Variants in EXOC3L4 observed in about 807,000 individuals in gnomAD.
EXOC3L4 encodes exocyst complex component 3-like protein 4.
In EXOC3L4, 62 loss-of-function variants were observed where a neutral mutation model predicts 69.7. The ratio of observed to expected loss-of-function variants is 0.89; its 90% confidence interval spans 0.72 to 1.10. The LOEUF (loss-of-function observed/expected upper bound fraction) is 1.10. EXOC3L4 is among the 50% of genes least tolerant of loss of function. The pLI is 0.00. For missense variants in EXOC3L4, 1,087 were observed against 1,034.8 expected (o/e 1.05, Z -0.69); for synonymous variants, 502 against 464.2 (o/e 1.08, Z -1.05).
chr14:103,102,148 A>T lies in EXOC3L4; in HGVS notation c.425A>T (p.Glu142Val). ...AAATCCGTGGCCGACCTCATTACTG[A>T]ACGGCAACTGCTGGCGGCCTTCGAA... Reference protein sequence around the residue: ...EGKSVADLITERQLLAAFEQL... With the variant: ...EGKSVADLITVRQLLAAFEQL... Residue 142 changes from glutamate to valine, a missense_variant, in exon 3 of 12, where the codon GAA becomes GTA. Physicochemically the swap from Glu to Val is moderately radical, Grantham distance 121. Transcript: ENST00000688303. The T allele has an allele frequency of 6.2e-7, 1 of 1,606,310 alleles. No individual in the cohort carries two copies. Among genetic ancestry groups the T allele is most frequent in the South Asian group, 1.1e-5 (1 of 89,634 alleles).
chr14:103,108,322 C>T, intron 10 of EXOC3L4, 74 bp from the exon 11 acceptor site: 1 of 1,578,442 alleles, frequency 6.3e-7, no homozygotes, highest in Non-Finnish European at 8.6e-7. Flanking sequence ...CTCGCACTGA[C>T]CTCGCGCTCT....
chr14:103,102,109 C>T lies in EXOC3L4; in HGVS notation c.395-9C>T. 1 of 1,596,720 alleles carries T rather than the reference C, an allele frequency of 6.3e-7. No homozygotes were observed. Reference sequence around the variant, plus strand: ...TCCCTCTCACCGCCCTTCTCGCCCGCCTGTGCAGAAGGCAAATCCGTGGCC... The same window carrying T: ...TCCCTCTCACCGCCCTTCTCGCCCGTCTGTGCAGAAGGCAAATCCGTGGCC... On this transcript the variant is annotated splice_polypyrimidine_tract_variant and intron_variant, in intron 2 of 11. Transcript: ENST00000688303.
chr14:103,100,740 T>G (rs1890143276), intron 2 of EXOC3L4, 127 bp downstream of exon 2: 1 of 1,245,258 alleles, frequency 8.0e-7, no homozygotes, highest in Non-Finnish European at 1.1e-6. Flanking sequence ...CATGTGCAAT[T>G]CTTTATTTAT....
Position 103,102,372 on chromosome 14 carries a change from G to C in EXOC3L4, c.649G>C (p.Val217Leu). 6.4e-7 allele frequency: 1 copy of C among 1,561,386 alleles called. No homozygotes were observed. Among genetic ancestry groups the C allele is most frequent in the African/African-American group, 1.4e-5 (1 of 73,570 alleles). The change falls in exon 3 of 12, where the codon GTG becomes CTG. Residue 217 changes from valine to leucine, a missense_variant. Transcript: ENST00000688303. ...GGCCGCGCTGGCCGAGCTGGCCCGC[G>C]TGGTGAGCGCGGAGGAGGAAGCCCA... is the stretch of plus-strand genomic sequence containing the variant. ...DAAALAELAR[V>L]VSAEEEAHPS... is the part of the protein sequence containing the mutation.
Position 103,105,015 on chromosome 14 carries a change from C to A in EXOC3L4, c.1409C>A (p.Ser470Ter). ...AGGTTTGAAAAGGCTTTTCTGGCGTCGGAGGCGGTGAGCGAGCCGCACCTG... is the reference window on the plus strand; with the variant it reads ...AGGTTTGAAAAGGCTTTTCTGGCGTAGGAGGCGGTGAGCGAGCCGCACCTG... ...VPRFEKAFLASEAVSEPHLGA... is the reference protein window; with the variant it reads ...VPRFEKAFLA Residue 470 changes from serine to a stop codon, truncating the protein, a stop_gained, in exon 7 of 12, where the codon TCG becomes TAG. Transcript: ENST00000688303. LOFTEE classifies it high-confidence loss of function. The A allele has an allele frequency of 6.2e-7, 1 of 1,612,472 alleles. No individual in the cohort carries two copies. The highest frequency in any genetic ancestry group is 8.5e-7 in the Non-Finnish European group (1 of 1,178,868).
In EXOC3L4 at chr14:103,108,401, C is replaced by G. The variant is rs368664108; in HGVS notation, c.1860C>G (p.Ser620=). 33 of 1,613,282 alleles carry G rather than the reference C, an allele frequency of 2.0e-5. No homozygotes were observed. Among genetic ancestry groups the G allele is most frequent in the Non-Finnish European group, 2.7e-5 (32 of 1,179,606 alleles). The change falls in exon 11 of 12, where the codon TCC becomes TCG. Residue 620 remains serine, a synonymous_variant. Transcript: ENST00000688303. Reference sequence around the variant, plus strand: ...GCGGTGGCTCTGTCTCGCAGGGTTCCGAGGCCACATGGTTGGACCAAGCCA... The same window carrying G: ...GCGGTGGCTCTGTCTCGCAGGGTTCGGAGGCCACATGGTTGGACCAAGCCA... ...AISDTFQGLG[S]EATWLDQAIQ...
chr14:103,106,844 C>T lies in EXOC3L4; in HGVS notation c.1526C>T (p.Thr509Met), dbSNP rs373799053. The change falls in exon 8 of 12, where the codon ACG becomes ATG. Residue 509 changes from threonine to methionine, a missense_variant. Coordinates refer to ENST00000688303, the MANE Select transcript of EXOC3L4 (RefSeq NM_001077594.2). ...GAGGAGCTGGAGAAGCCCCTGGTGA[C>T]GGCCACCTGCAGCTTCCAGAAGCAC... ...TQEELEKPLVTATCSFQKHLL... is the reference protein window; with the variant it reads ...TQEELEKPLVMATCSFQKHLL... 8.5e-5 allele frequency: 136 copies of T among 1,595,250 alleles called. No homozygotes were observed. The highest frequency in any genetic ancestry group is 1.1e-4 in the African/African-American group (8 of 74,888).
chr14:103,104,268 C>A lies in EXOC3L4; in HGVS notation c.1163C>A (p.Ala388Asp). 6.3e-7 allele frequency: 1 copy of A among 1,587,926 alleles called. No homozygotes were observed. The highest frequency in any genetic ancestry group is 1.2e-5 in the South Asian group (1 of 86,936). The change falls in exon 5 of 12, where the codon GCC becomes GAC. Residue 388 changes from alanine (A) to aspartate (D), a missense_variant and splice_region_variant. By Grantham distance (126) the Ala-to-Asp change is moderately radical. Coordinates refer to ENST00000688303, the MANE Select transcript of EXOC3L4 (RefSeq NM_001077594.2). ...ACGGCCCATCCCTTCTCCCCCCAGG[C>A]CAAGATCGCAAGCTGCTTCGACAGC... ...LESDYTSFLE[A>D]KIASCFDSIL...
In EXOC3L4 at chr14:103,097,367, C is replaced by T. The variant is rs186860665; in HGVS notation, c.-17+2527C>T. 3.5e-4 allele frequency among the ~76,000 whole-genome samples: 53 copies of T among 152,160 alleles called. No homozygotes were observed. The East Asian group carries it at 7.8e-3, about 22-fold the overall frequency. ...AGGAGCCGGGGCCCCCTGGACTCTCCGGGCACTGGGGACAGAGAGACGCAG... is the reference window on the plus strand; with the variant it reads ...AGGAGCCGGGGCCCCCTGGACTCTCTGGGCACTGGGGACAGAGAGACGCAG... On this transcript the variant is annotated intron_variant, in intron 1 of 11. Transcript: ENST00000688303. This position sits in a 1 kb window ranked among gnomAD's most constrained non-coding sequence, Gnocchi z 4.9.
At chr14:103,107,855 C>G in intron 10 of EXOC3L4, 72 bp downstream of exon 10, 1 of 1,447,262 alleles carries the variant, frequency 6.9e-7, no homozygotes, top group Non-Finnish European at 9.1e-7. Flanking sequence ...AGGGCCTTAG[C>G]GCCGGGAGGG....
At position 103,104,006 on chromosome 14, in the gene EXOC3L4, C is replaced by A; in HGVS notation, c.1115C>A (p.Pro372Gln). 6.3e-7 allele frequency: 1 copy of A among 1,577,648 alleles called. No individual in the cohort carries two copies. Residue 372 changes from proline to glutamine, a missense_variant, in exon 4 of 12, where the codon CCG becomes CAG. Transcript: ENST00000688303. ...GAGCCGCTGCCTCCGCTCCTGGCGCCGGACGTGTGGGCCCGACTGGAGAGC... is the reference window on the plus strand; with the variant it reads ...GAGCCGCTGCCTCCGCTCCTGGCGCAGGACGTGTGGGCCCGACTGGAGAGC... ...PAEPLPPLLA[P>Q]DVWARLESDY...
At position 103,104,787 on chromosome 14, in the gene EXOC3L4, A is replaced by G; in HGVS notation, c.1334A>G (p.Glu445Gly). 1.3e-6 allele frequency: 2 copies of G among 1,525,838 alleles called. No individual in the cohort carries two copies. Among genetic ancestry groups the G allele is most frequent in the Non-Finnish European group, 1.8e-6 (2 of 1,133,278 alleles). The allele number at this position is 1,525,838 out of a possible 1,614,324, so 94.5% of individuals were successfully genotyped here. Reference sequence around the variant, plus strand: ...GCCGGCGCCATCTCCGCGGAGCTGGAGGCCACCACCCTGCGAATCTGCACG... The same window carrying G: ...GCCGGCGCCATCTCCGCGGAGCTGGGGGCCACCACCCTGCGAATCTGCACG... Reference protein sequence around the residue: ...KAAGAISAELEATTLRICTRA... With the variant: ...KAAGAISAELGATTLRICTRA... Residue 445 changes from glutamate to glycine, a missense_variant, in exon 6 of 12, where the codon GAG (glutamate) becomes GGG (glycine). Transcript: ENST00000688303.
In EXOC3L4 at chr14:103,103,797, C is replaced by CGCGCGTGTGTGT. The variant is rs763940116; in HGVS notation, c.1050-143_1050-142insCGCGTGTGTGTG. On this transcript the variant is annotated intron_variant, in intron 3 of 11. Transcript: ENST00000688303. The stretch of plus-strand genomic sequence containing the variant: ...GCATGGCAGCCTAGAGGCGCGCGCG[C>CGCGCGTGTGTGT]GTGTGTGTGTGTGTGTGTGTGTGTG... 5.1e-5 allele frequency: 22 copies of CGCGCGTGTGTGT among 433,724 alleles called. 1 individual carries two copies. The highest frequency in any genetic ancestry group is 4.2e-4 in the African/African-American group (18 of 43,106). 26.9% of individuals were successfully genotyped at this position (433,724 alleles called of 1,614,324 possible).
In EXOC3L4 at chr14:103,105,089, C is replaced by G. The variant is rs1890465363; in HGVS notation, c.1466+17C>G. ...GGAGCTCAGGTAGGGCTCGCCCGCT[C>G]CTGTGCGGGCGCAGCGTGGCCAGCA... On this transcript the variant is annotated intron_variant, in intron 7 of 11. Coordinates refer to ENST00000688303, the MANE Select transcript of EXOC3L4 (RefSeq NM_001077594.2). The G allele has an allele frequency of 1.3e-6, 2 of 1,587,860 alleles. No individual in the cohort carries two copies. Among genetic ancestry groups the G allele is most frequent in the Non-Finnish European group, 1.7e-6 (2 of 1,164,708 alleles).
intron 11 of EXOC3L4, among the ~76,000 whole-genome samples, 194 bp from the exon 12 acceptor site, chr14:103,109,837 G>A (rs1195693415): frequency 6.7e-6 from 1 of 150,190 alleles, no homozygotes; most frequent in Non-Finnish European, 1.5e-5. Context: ...GCCCAGCTAT[G>A]GTGTCCCCCA....
chr14:103,103,473 C>T (rs1890338543), intron 3 of EXOC3L4: 1 of 159,474 alleles, frequency 6.3e-6, no homozygotes, highest in African/African-American at 2.4e-5. Flanking sequence ...CTCCCGCTCT[C>T]TGCCTGGGAT....
intron 2 of EXOC3L4, 119 bp downstream of exon 2, chr14:103,100,732 T>C: frequency 7.9e-7 from 1 of 1,271,908 alleles, no homozygotes; most frequent in South Asian, 1.6e-5. Flanking sequence ...CCCCCGAACA[T>C]GTGCAATTCT....
In EXOC3L4 at chr14:103,102,338, T is replaced by TC; in HGVS notation, c.615_616insC (p.Val206ArgfsTer147). 1.3e-6 allele frequency: 2 copies of TC among 1,562,724 alleles called. No individual in the cohort carries two copies. The highest frequency in any genetic ancestry group is 1.7e-6 in the Non-Finnish European group (2 of 1,160,648). ...TGCGCGAGACGCTGGACAGCGACGGTGTGGACGCGGCCGCGCTGGCCGAGC... is the reference window on the plus strand; with the variant it reads ...TGCGCGAGACGCTGGACAGCGACGGTCGTGGACGCGGCCGCGCTGGCCGAGC... On this transcript the variant is annotated frameshift_variant, in exon 3 of 12. Transcript: ENST00000688303. LOFTEE classifies it high-confidence loss of function.
intron 11 of EXOC3L4, among the ~76,000 whole-genome samples, chr14:103,109,209 TCTCCCTCC>T (rs1315767288): frequency 1.8e-5 from 1 of 55,346 alleles, no homozygotes; most frequent in Non-Finnish European, 3.4e-5. Flanking sequence ...TGTCCCCATG[TCTCCCTCC>T]CTCCCTCCCT....
Sources: allele counts gnomAD v4.1 joint callset (sites outside exome capture counted in the v4.1 genomes callset), GRCh38; gene constraint gnomAD v4.1.1; non-coding constraint Gnocchi (gnomAD v3.1); transcripts MANE v1.5; gene names NCBI Gene and HGNC (gene_info 2026-07-23, HGNC 2026-07-21).